The following ADGB variants were observed in gnomAD, a reference collection of about 807,000 sequenced individuals.
The protein encoded by ADGB is androglobin.
ADGB carries 172 observed loss-of-function variants against 210.5 expected under a neutral mutation model. That is an observed-to-expected ratio of 0.82 (90% CI 0.72 to 0.93). The LOEUF (loss-of-function observed/expected upper bound fraction) is 0.93. Among genes scored for constraint, ADGB ranks in the 40% least tolerant of loss-of-function variants. The pLI is 0.00. For missense variants in ADGB, 2,025 were observed against 1,964.8 expected (o/e 1.03, Z -0.58); for synonymous variants, 658 against 662.7 (o/e 0.99, Z 0.11).
Position 146,685,789 on chromosome 6 carries a change from T to A in ADGB, c.1272T>A (p.Leu424=). The A allele has an allele frequency of 6.5e-7, 1 of 1,541,704 alleles. No homozygotes were observed. Among genetic ancestry groups the A allele is most frequent in the Non-Finnish European group, 8.8e-7 (1 of 1,142,628 alleles). ...HMVVYATFTP[L]YLFENKIFSL... ...TCGTATATGCGACATTTACACCTCT[T>A]TATTTGTTTGAAAACAAGATCTTTT... The change falls in exon 10 of 36, where the codon CTT becomes CTA. Residue 424 remains leucine, a synonymous_variant. Coordinates refer to ENST00000397944, the MANE Select transcript of ADGB (RefSeq NM_024694.4).
At chr6:146,639,751 T>A (rs1367065559) in intron 2 of ADGB, 1 of 151,928 alleles carries the variant, frequency 6.6e-6, no homozygotes, top group Non-Finnish European at 1.5e-5. Flanking sequence ...CAGAAAAGAT[T>A]AGCATGGCCC....
At chr6:146,696,679 T>C (rs963671110) in intron 12 of ADGB, among the ~76,000 whole-genome samples, 1 of 152,196 alleles carries the variant, frequency 6.6e-6, no homozygotes, top group Non-Finnish European at 1.5e-5. Flanking sequence ...TTGTTTGTTT[T>C]ACTGCTTTGG....
intron 25 of ADGB, among the ~76,000 whole-genome samples, chr6:146,744,300 G>A (rs570255575): frequency 6.6e-6 from 1 of 152,254 alleles, no homozygotes; most frequent in African/African-American, 2.4e-5. Context: ...GCAATCTTAG[G>A]TGGGAATTTT....
intron 16 of ADGB, among the ~76,000 whole-genome samples, chr6:146,720,457 G>C (rs4896884): frequency 2.6e-5 from 4 of 151,742 alleles, no homozygotes; most frequent in African/African-American, 9.7e-5. Context: ...CCTTTAAGGA[G>C]AGTTTTGATT....
chr6:146,724,136 CA>C, intron 17 of ADGB, 49 bp from the exon 18 acceptor site: 2 of 1,476,644 alleles, frequency 1.4e-6, no homozygotes, highest in Non-Finnish European at 9.1e-7. Flanking sequence ...TAGTGAATGC[CA>C]ACTACACTTT....
Position 146,707,511 on chromosome 6 carries a change from C to T in ADGB, c.1707+6441C>T, listed in dbSNP as rs143343345. 1.3e-4 allele frequency among the ~76,000 whole-genome samples: 20 copies of T among 152,134 alleles called. No homozygotes were observed. In the East Asian group the frequency reaches 2.9e-3, roughly 22 times the overall value. On this transcript the variant is annotated intron_variant, in intron 13 of 35. Transcript: ENST00000397944. ...TAATATTGCTTTATACATTTAGGTG[C>T]TCTGATGTTGGATGCATACATATTT...
At position 146,716,971 on chromosome 6, in the gene ADGB, A is replaced by G; in HGVS notation, c.1830A>G (p.Thr610=). 6.4e-7 allele frequency: 1 copy of G among 1,551,658 alleles called. No homozygotes were observed. The highest frequency in any genetic ancestry group is 8.7e-7 in the Non-Finnish European group (1 of 1,146,956). ...AAAGAGAGATAGTCAGCCAGACCAC[A>G]GCAACACAGGAAAAGTCACAGGAAG... ...NLEREIVSQT[T]ATQEKSQEEL... is the part of the protein sequence containing the mutation. The change falls in exon 15 of 36, where the codon ACA becomes ACG. Residue 610 remains threonine (T), a synonymous_variant. Coordinates refer to ENST00000397944, the MANE Select transcript of ADGB (RefSeq NM_024694.4).
chr6:146,607,656 T>C (rs1365273846), intron 1 of ADGB, among the ~76,000 whole-genome samples: 1 of 152,162 alleles, frequency 6.6e-6, no homozygotes, highest in Non-Finnish European at 1.5e-5. Context: ...GATCATGTGG[T>C]TTTTGTTTTC....
At chr6:146,709,507 T>C (rs1186215075) in intron 13 of ADGB, among the ~76,000 whole-genome samples, 1 of 152,146 alleles carries the variant, frequency 6.6e-6, no homozygotes. Context: ...GTCTGCAGGA[T>C]TGGGTCTAGA....
intron 11 of ADGB, 141 bp downstream of exon 11, chr6:146,691,431 T>TAA (rs1776310227): frequency 3.2e-5 from 1 of 31,068 alleles, no homozygotes; most frequent in Non-Finnish European, 5.0e-5. Context: ...TATATATATA[T>TAA]ATATATATAT....
chr6:146,720,808 G>C (rs1776801126), intron 16 of ADGB, among the ~76,000 whole-genome samples: 1 of 152,096 alleles, frequency 6.6e-6, no homozygotes, highest in Non-Finnish European at 1.5e-5. Flanking sequence ...AGAAAAGCAA[G>C]GGACAAGTCT....
In ADGB at chr6:146,763,088, C is replaced by T. The variant is rs138738349; in HGVS notation, c.3551-813C>T. On this transcript the variant is annotated intron_variant, in intron 27 of 35. Transcript: ENST00000397944. ...TCTTTGTTTCCTAAACCTAGCAGCACTGCTGTTCACTACTTTGGGCTGTAC... is the reference window on the plus strand; with the variant it reads ...TCTTTGTTTCCTAAACCTAGCAGCATTGCTGTTCACTACTTTGGGCTGTAC... 3.1e-3 allele frequency among the ~76,000 whole-genome samples: 470 copies of T among 152,264 alleles called. 3 individuals carry two copies. The highest frequency in any genetic ancestry group is 0.011 in the African/African-American group (450 of 41,550).
intron 7 of ADGB, 21 bp from the exon 8 acceptor site, chr6:146,672,199 T>C: frequency 6.8e-7 from 1 of 1,461,060 alleles, no homozygotes; most frequent in African/African-American, 1.4e-5. Context: ...TGGAAATTAA[T>C]GTTTTTGTCT....
At chr6:146,755,477 C>G (rs927565238) in intron 27 of ADGB, among the ~76,000 whole-genome samples, 1 of 151,990 alleles carries the variant, frequency 6.6e-6, no homozygotes, top group African/African-American at 2.4e-5. Context: ...GGGGTTTTCT[C>G]CCCCTTCACT....
chr6:146,715,328 T>C, intron 13 of ADGB, 54 bp from the exon 14 acceptor site: 1 of 1,361,008 alleles, frequency 7.3e-7, no homozygotes, highest in East Asian at 2.6e-5. Flanking sequence ...CTTTGGTGCT[T>C]TGGATAGCTG....
intron 28 of ADGB, among the ~76,000 whole-genome samples, chr6:146,765,053 C>G (rs1432606080): frequency 6.6e-6 from 1 of 152,096 alleles, no homozygotes; most frequent in African/African-American, 2.4e-5. Context: ...CCTGCCGTGG[C>G]CTCCCAAAGA....
chr6:146,809,127 A>C (rs1039012507), intron 35 of ADGB, among the ~76,000 whole-genome samples: 2 of 152,090 alleles, frequency 1.3e-5, no homozygotes, highest in African/African-American at 2.4e-5. Flanking sequence ...ATAGGAGCCT[A>C]GGAGGGCTAG....
rs1776498041 is a variant in ADGB, at chr6:146,701,929, G to T, written c.1707+859G>T. Among the ~76,000 whole-genome samples, 8 of 151,928 alleles carry T rather than the reference G, an allele frequency of 5.3e-5. No individual in the cohort carries two copies. In the South Asian group the frequency reaches 1.7e-3, roughly 32 times the overall value. ...AGTAGTAATCAGCTTACATATTCTT[G>T]TAAGATATTTGCAACAACTATAATA... On this transcript the variant is annotated intron_variant, in intron 13 of 35. Transcript: ENST00000397944.
rs564500575 is a variant in ADGB at position 146,813,428 on chromosome 6, T to C, written c.4819-1604T>C. 2.6e-4 allele frequency among the ~76,000 whole-genome samples: 39 copies of C among 149,534 alleles called. No homozygotes were observed. The East Asian group carries it at 6.3e-3, about 24-fold the overall frequency. On this transcript the variant is annotated intron_variant, in intron 35 of 35. Coordinates refer to ENST00000397944, the MANE Select transcript of ADGB (RefSeq NM_024694.4). ...AGATAATCCTGCTGGTTGTCTGTAT[T>C]TGGGCCACAACTACAGATGCAGAAA... is the stretch of plus-strand genomic sequence containing the variant.
Sources: gnomAD v4.1 joint callset for allele counts (sites outside exome capture counted in the v4.1 genomes callset) on GRCh38, gnomAD v4.1.1 for gene constraint, MANE v1.5 for transcripts, NCBI Gene and HGNC (gene_info 2026-07-23, HGNC 2026-07-21) for gene names.